Variants in EPHA3 observed in about 807,000 individuals in gnomAD.
EPHA3 encodes ephrin type-A receptor 3.
Under a neutral mutation model 107.1 loss-of-function variants are expected in EPHA3, and 42 were observed. That is an observed-to-expected ratio of 0.39 (90% CI 0.31 to 0.51). The LOEUF (loss-of-function observed/expected upper bound fraction) is 0.51, where lower values mean the gene tolerates loss of function less well. Among genes scored for constraint, EPHA3 ranks in the 20% least tolerant of loss-of-function variants. The pLI, the probability that EPHA3 is intolerant of heterozygous loss-of-function variation, is 0.78. For missense variants in EPHA3, 1,183 were observed against 1,211.2 expected, an observed-to-expected ratio of 0.98 and a Z score of 0.35; for synonymous variants, 461 against 424.8, an observed-to-expected ratio of 1.09 and a Z score of -1.05.
rs192089307 is a variant in EPHA3 at position 89,445,908 on chromosome 3, G to A, written c.2347-3317G>A. ...TGTTAAAAATTAGTACGAAGGTAAA[G>A]ATAGTATAAAGGTCACCTGATCAGC... On this transcript the variant is annotated intron_variant, in intron 13 of 16. Transcript: ENST00000336596. Among the ~76,000 whole-genome samples, 44 of 152,276 alleles carry A rather than the reference G, an allele frequency of 2.9e-4. 1 individual carries two copies. The highest frequency in any genetic ancestry group is 3.4e-3 in the Middle Eastern group (1 of 294).
intron 5 of EPHA3, among the ~76,000 whole-genome samples, chr3:89,381,293 T>C (rs1445035932): frequency 1.3e-5 from 2 of 151,838 alleles, no homozygotes; most frequent in Non-Finnish European, 2.9e-5. Flanking sequence ...TTTAAACCTG[T>C]GTATAAGTTA....
At chr3:89,459,491 C>CTCCTTCCT (rs58738148) in intron 15 of EPHA3, among the ~76,000 whole-genome samples, 4,365 of 126,318 alleles carry the variant, frequency 0.035, 93 homozygotes, top group African/African-American at 0.069. Context: ...CCTTCCTTCT[C>CTCCTTCCT]TCCTTCCTTC....
At chr3:89,142,879 T>G (rs1704461200) in intron 2 of EPHA3, among the ~76,000 whole-genome samples, 1 of 151,334 alleles carries the variant, frequency 6.6e-6, no homozygotes, top group Non-Finnish European at 1.5e-5. Context: ...AGAGCATGGA[T>G]CCGGCACAAT....
intron 3 of EPHA3, among the ~76,000 whole-genome samples, chr3:89,278,590 A>G (rs1705866751): frequency 6.6e-6 from 1 of 152,094 alleles, no homozygotes; most frequent in Non-Finnish European, 1.5e-5. Flanking sequence ...CTTCATGCGC[A>G]ATGGCCTATT....
rs188492338 is a variant in EPHA3 at position 89,268,559 on chromosome 3, A to T, written c.814+58039A>T. Among the ~76,000 whole-genome samples the T allele has an allele frequency of 3.6e-3, 547 of 152,020 alleles. 6 individuals are homozygous for T. The highest frequency in any genetic ancestry group is 3.4e-3 in the Middle Eastern group (1 of 292). The stretch of plus-strand genomic sequence containing the variant: ...GTTTCTGTTTTTTTTTAAGCCACCA[A>T]CAATTTTATCATATAATTAATGTGT... On this transcript the variant is annotated intron_variant, in intron 3 of 16. Coordinates refer to ENST00000336596, the MANE Select transcript of EPHA3 (RefSeq NM_005233.6).
intron 5 of EPHA3, among the ~76,000 whole-genome samples, chr3:89,381,402 G>A (rs1708504760): frequency 6.6e-6 from 1 of 151,774 alleles, no homozygotes; most frequent in South Asian, 2.1e-4. Context: ...TGGTATGATG[G>A]CTCATGCCTG....
intron 2 of EPHA3, among the ~76,000 whole-genome samples, chr3:89,133,853 G>A (rs778335246): frequency 2.6e-5 from 4 of 151,992 alleles, no homozygotes; most frequent in Non-Finnish European, 4.4e-5. Flanking sequence ...AGTGACCACG[G>A]CTTTTTTAAT....
At chr3:89,284,006 A>G (rs568195927) in intron 3 of EPHA3, among the ~76,000 whole-genome samples, 6 of 152,226 alleles carry the variant, frequency 3.9e-5, no homozygotes, top group African/African-American at 1.2e-4. Flanking sequence ...TTAAATTCCT[A>G]CTGCCACACC....
At chr3:89,382,986 T>C (rs946988229) in intron 5 of EPHA3, among the ~76,000 whole-genome samples, 1 of 152,248 alleles carries the variant, frequency 6.6e-6, no homozygotes, top group Admixed American at 6.5e-5. Flanking sequence ...TAACTTCATA[T>C]ATTGATATAC....
At chr3:89,377,443 TATTCC>T (rs1708423662) in intron 5 of EPHA3, among the ~76,000 whole-genome samples, 2 of 152,166 alleles carry the variant, frequency 1.3e-5, no homozygotes, top group South Asian at 4.1e-4. Context: ...ATTTAACAGT[TATTCC>T]TAAGGTTAAC....
intron 15 of EPHA3, among the ~76,000 whole-genome samples, chr3:89,452,015 A>T (rs960196316): frequency 6.6e-6 from 1 of 152,098 alleles, no homozygotes; most frequent in Admixed American, 6.6e-5. Context: ...TTAAAACAAT[A>T]TTTTAAGATG....
intron 2 of EPHA3, among the ~76,000 whole-genome samples, chr3:89,132,422 T>C (rs1175075193): frequency 6.6e-6 from 1 of 152,362 alleles, no homozygotes; most frequent in African/African-American, 2.4e-5. Flanking sequence ...TTGTATATTA[T>C]AGTGTTATTT....
intron 15 of EPHA3, among the ~76,000 whole-genome samples, chr3:89,455,991 C>T (rs1710091006): frequency 6.6e-6 from 1 of 152,140 alleles, no homozygotes; most frequent in Non-Finnish European, 1.5e-5. Flanking sequence ...TCTCGTATTA[C>T]CAGTGCAGAT....
At chr3:89,299,644 A>C (rs1341979218) in intron 3 of EPHA3, among the ~76,000 whole-genome samples, 2 of 152,166 alleles carry the variant, frequency 1.3e-5, no homozygotes, top group African/African-American at 4.8e-5. Flanking sequence ...AAGTAAGAAA[A>C]TAAGTATTCT....
chr3:89,238,657 C>T (rs1459537417), intron 3 of EPHA3, among the ~76,000 whole-genome samples: 3 of 152,110 alleles, frequency 2.0e-5, no homozygotes, highest in South Asian at 2.1e-4. Context: ...ATGTAGGTTT[C>T]GGGAAACACT....
intron 2 of EPHA3, among the ~76,000 whole-genome samples, chr3:89,183,312 C>A (rs151032673): frequency 6.6e-6 from 1 of 152,018 alleles, no homozygotes; most frequent in East Asian, 1.9e-4. Context: ...GTCTCACATG[C>A]TTCATTGAGC....
At chr3:89,226,714 A>G (rs1196909649) in intron 3 of EPHA3, among the ~76,000 whole-genome samples, 1 of 152,112 alleles carries the variant, frequency 6.6e-6, no homozygotes, top group Admixed American at 6.6e-5. Flanking sequence ...AAAACAAGGC[A>G]TGTCATACCA....
intron 3 of EPHA3, among the ~76,000 whole-genome samples, chr3:89,288,327 C>T (rs555079490): frequency 2.0e-5 from 3 of 152,040 alleles, no homozygotes; most frequent in Non-Finnish European, 2.9e-5. Flanking sequence ...ATGATTATAG[C>T]CTTAAACTGG....
intron 11 of EPHA3, among the ~76,000 whole-genome samples, chr3:89,420,277 T>G (rs1709330095): frequency 6.6e-6 from 1 of 151,484 alleles, no homozygotes; most frequent in Non-Finnish European, 1.5e-5. Context: ...GACATATTTT[T>G]CATAATTATA....
Sources: gnomAD v4.1 joint callset for allele counts (sites outside exome capture counted in the v4.1 genomes callset) on GRCh38, gnomAD v4.1.1 for gene constraint, MANE v1.5 for transcripts, NCBI Gene and HGNC (gene_info 2026-07-23, HGNC 2026-07-21) for gene names.